TTLL5: variants seen among roughly 807,000 people sequenced by gnomAD.
The protein encoded by TTLL5 is tubulin tyrosine ligase like 5, also known as tubulin polyglutamylase TTLL5.
Under a neutral mutation model 168.4 loss-of-function variants are expected in TTLL5, and 132 were observed. The observed-to-expected ratio is 0.78, with a 90% confidence interval of 0.68 to 0.91. The LOEUF (loss-of-function observed/expected upper bound fraction) is 0.91. Among genes scored for constraint, TTLL5 ranks in the 40% least tolerant of loss-of-function variants. The pLI is 0.00. For missense variants in TTLL5, 1,545 were observed against 1,581.5 expected (o/e 0.98, Z 0.39); for synonymous variants, 546 against 558.6 (o/e 0.98, Z 0.32).
chr14:75,663,261 T>C (rs1287513317), intron 2 of TTLL5, 38 bp downstream of exon 2: 3 of 1,573,306 alleles, frequency 1.9e-6, no homozygotes, highest in Non-Finnish European at 2.6e-6. Context: ...CTGTGCTTTG[T>C]ACTCTTTCAC....
chr14:75,912,605 C>G (rs2140115365), intron 31 of TTLL5, among the ~76,000 whole-genome samples: 1 of 152,234 alleles, frequency 6.6e-6, no homozygotes, highest in Middle Eastern at 3.4e-3. Context: ...TCCTAATAGG[C>G]AGGGCAAACA....
At chr14:75,846,731 G>A (rs77136097) in intron 28 of TTLL5, among the ~76,000 whole-genome samples, 7,761 of 149,194 alleles carry the variant, frequency 0.052, 476 homozygotes, top group East Asian at 0.32. Flanking sequence ...CGGAGGTTGC[G>A]GTGAGCCGAG....
intron 30 of TTLL5, among the ~76,000 whole-genome samples, chr14:75,887,722 ATCTG>A (rs995054402): frequency 6.6e-6 from 1 of 152,198 alleles, no homozygotes; most frequent in South Asian, 2.1e-4. Flanking sequence ...ATTCATCTAT[ATCTG>A]TCTGTACAGC....
intron 15 of TTLL5, among the ~76,000 whole-genome samples, chr14:75,737,933 C>CA (rs1403949078): frequency 2.6e-5 from 4 of 152,064 alleles, no homozygotes; most frequent in Non-Finnish European, 4.4e-5. Flanking sequence ...TTCCAGTTCA[C>CA]AAATGAACTT....
chr14:75,721,513 G>A (rs1453794483), intron 12 of TTLL5, among the ~76,000 whole-genome samples: 3 of 152,182 alleles, frequency 2.0e-5, no homozygotes, highest in African/African-American at 7.2e-5. Context: ...TATGAGAGTC[G>A]TGCTTTGGTT....
intron 21 of TTLL5, among the ~76,000 whole-genome samples, chr14:75,773,954 AGAAAGAGAGAGAG>A (rs1566598138): frequency 6.0e-4 from 24 of 39,758 alleles, no homozygotes; most frequent in East Asian, 2.9e-3. Context: ...AGAGAGAGAG[AGAAAGAGAGAGAG>A]AGAGAGAGAG....
rs147584964 is a variant in TTLL5, at chr14:75,804,316, C to G, written c.3171+11216C>G. On this transcript the variant is annotated intron_variant, in intron 27 of 31. Transcript: ENST00000298832. ...CAGCAGTTAAACTCTCTCACTCTCT[C>G]TATACAAAGGAATTCTTTATCATTT... Among the ~76,000 whole-genome samples the G allele has an allele frequency of 1.8e-4, 27 of 152,352 alleles. 1 individual carries two copies. In the East Asian group the frequency reaches 5.2e-3, roughly 29 times the overall value.
chr14:75,823,269 G>T (rs766015242), intron 28 of TTLL5, among the ~76,000 whole-genome samples: 13 of 152,172 alleles, frequency 8.5e-5, no homozygotes, highest in Admixed American at 2.6e-4. Context: ...CATTTTTGGG[G>T]TACATGGGAA....
intron 26 of TTLL5, among the ~76,000 whole-genome samples, chr14:75,790,945 A>AG (rs1399800772): frequency 1.4e-4 from 21 of 149,924 alleles, no homozygotes; most frequent in Non-Finnish European, 4.5e-5. Context: ...AAAAAAAAAA[A>AG]AAAAAGAAAA....
intron 27 of TTLL5, among the ~76,000 whole-genome samples, chr14:75,800,996 C>G (rs769058780): frequency 1.3e-5 from 2 of 152,090 alleles, no homozygotes; most frequent in Non-Finnish European, 2.9e-5. Flanking sequence ...GTGGCGCTTT[C>G]AAGAGAGCAT....
intron 31 of TTLL5, among the ~76,000 whole-genome samples, chr14:75,928,610 A>G (rs2034165500): frequency 6.6e-6 from 1 of 151,936 alleles, no homozygotes; most frequent in African/African-American, 2.4e-5. Flanking sequence ...TTACACTAAA[A>G]AAAAGACAAC....
chr14:75,733,984 G>A lies in TTLL5; in HGVS notation c.1125-5G>A, dbSNP rs779335897. 5 of 1,613,834 alleles carry A rather than the reference G, an allele frequency of 3.1e-6. No homozygotes were observed. Among genetic ancestry groups the A allele is most frequent in the Non-Finnish European group, 2.5e-6 (3 of 1,179,854 alleles). ...AATTGCTCTTTTCTTTCTCTGTTCT[G>A]TTAGTGATGCGCCTCTGGACCTAAA... is the stretch of plus-strand genomic sequence containing the variant. On this transcript the variant is annotated splice_polypyrimidine_tract_variant and splice_region_variant and intron_variant, in intron 13 of 31. Transcript: ENST00000298832.
chr14:75,687,180 T>C (rs564244767), intron 5 of TTLL5, among the ~76,000 whole-genome samples: 7 of 152,288 alleles, frequency 4.6e-5, no homozygotes, highest in Admixed American at 4.6e-4. Flanking sequence ...GAAGAAAACA[T>C]AGACAAGATC....
intron 18 of TTLL5, among the ~76,000 whole-genome samples, chr14:75,761,215 A>T (rs1480859930): frequency 6.6e-6 from 1 of 152,210 alleles, no homozygotes; most frequent in Non-Finnish European, 1.5e-5. Context: ...GGCAGATATT[A>T]TACTGACAAT....
intron 20 of TTLL5, among the ~76,000 whole-genome samples, chr14:75,767,784 G>A (rs1396711303): frequency 1.3e-5 from 2 of 152,174 alleles, no homozygotes; most frequent in Non-Finnish European, 2.9e-5. Flanking sequence ...AGGCAGGGGG[G>A]TGAGTTAGGG....
intron 30 of TTLL5, among the ~76,000 whole-genome samples, chr14:75,900,625 T>C (rs1354301602): frequency 6.6e-6 from 1 of 152,182 alleles, no homozygotes; most frequent in Non-Finnish European, 1.5e-5. Flanking sequence ...ACCCCTATCC[T>C]ATCTCCTTAG....
intron 20 of TTLL5, among the ~76,000 whole-genome samples, chr14:75,768,602 A>C (rs1370184116): frequency 6.6e-6 from 1 of 152,108 alleles, no homozygotes; most frequent in Non-Finnish European, 1.5e-5. Flanking sequence ...GGTAGAGAAG[A>C]GTACTAAAGG....
At chr14:75,920,124 G>GCAA (rs112924591) in intron 31 of TTLL5, among the ~76,000 whole-genome samples, 6 of 150,916 alleles carry the variant, frequency 4.0e-5, no homozygotes, top group South Asian at 4.2e-4. Context: ...TGTCTCAAAA[G>GCAA]CAACAACAAC....
At chr14:75,912,430 A>G (rs1038417217) in intron 31 of TTLL5, among the ~76,000 whole-genome samples, 2 of 152,240 alleles carry the variant, frequency 1.3e-5, no homozygotes, top group Admixed American at 6.5e-5. Context: ...CAGGTACAGC[A>G]TAGCCTTTTC....
Sources: gnomAD v4.1 joint callset for allele counts (sites outside exome capture counted in the v4.1 genomes callset) on GRCh38, gnomAD v4.1.1 for gene constraint, MANE v1.5 for transcripts, NCBI Gene and HGNC (gene_info 2026-07-23, HGNC 2026-07-21) for gene names.